Variants in PTPRA observed in about 807,000 individuals in gnomAD.
The protein encoded by PTPRA is receptor-type tyrosine-protein phosphatase alpha.
In PTPRA, 25 loss-of-function variants were observed where a neutral mutation model predicts 104.8. That is an observed-to-expected ratio of 0.24 (90% confidence interval 0.17 to 0.33). PTPRA has a LOEUF of 0.33. Ranked by LOEUF, PTPRA falls within the 10% of genes least tolerant of loss-of-function variation. The pLI, the probability that PTPRA is intolerant of heterozygous loss-of-function variation, is 1.00. For synonymous variants in PTPRA, 323 were observed against 368.9 expected, an observed-to-expected ratio of 0.88 and a Z score of 1.43; for missense variants, 765 against 1,015.3, an observed-to-expected ratio of 0.75 and a Z score of 3.35.
chr20:3,019,097 G>T (rs1359553259), intron 13 of PTPRA, among the ~76,000 whole-genome samples: 5 of 141,090 alleles, frequency 3.5e-5, no homozygotes, highest in African/African-American at 1.3e-4. Context: ...CCCAGTAGGG[G>T]CGGCCGGGCA....
intron 12 of PTPRA, among the ~76,000 whole-genome samples, chr20:3,017,265 A>C (rs1487260901): frequency 6.6e-6 from 1 of 151,950 alleles, no homozygotes; most frequent in Non-Finnish European, 1.5e-5. Context: ...TAAGACCAGT[A>C]CCCTGGGAAT....
upstream of PTPRA, among the ~76,000 whole-genome samples, chr20:2,871,766 G>A (rs2089434695): frequency 6.6e-6 from 1 of 152,202 alleles, no homozygotes; most frequent in Admixed American, 6.5e-5. Context: ...TGTTGGGCGT[G>A]GGGAAGGATC....
chr20:3,024,017 A>T (rs763301854), intron 16 of PTPRA, among the ~76,000 whole-genome samples: 6 of 152,190 alleles, frequency 3.9e-5, no homozygotes, highest in Non-Finnish European at 7.3e-5. Context: ...AAGATTAGGG[A>T]ACAGGCAGCT....
At chr20:2,981,869 G>T (rs572370889) in intron 6 of PTPRA, among the ~76,000 whole-genome samples, 1 of 152,284 alleles carries the variant, frequency 6.6e-6, no homozygotes, top group Admixed American at 6.5e-5. Flanking sequence ...GGCTCTGTTT[G>T]ATCTCTTGGA....
At chr20:2,951,455 A>T (rs2061351712) in intron 3 of PTPRA, among the ~76,000 whole-genome samples, 1 of 152,078 alleles carries the variant, frequency 6.6e-6, no homozygotes, top group Non-Finnish European at 1.5e-5. Flanking sequence ...ACAGTGAATA[A>T]CTCACTCATA....
intron 5 of PTPRA, among the ~76,000 whole-genome samples, chr20:2,965,482 A>G (rs2061910749): frequency 6.6e-6 from 1 of 152,182 alleles, no homozygotes; most frequent in Admixed American, 6.5e-5. Flanking sequence ...AGAGAAATAG[A>G]GGAGCTCATT....
intron 3 of PTPRA, among the ~76,000 whole-genome samples, chr20:2,957,489 C>A (rs1462598835): frequency 1.3e-5 from 2 of 152,190 alleles, no homozygotes; most frequent in Non-Finnish European, 2.9e-5. Context: ...AGAGACAACT[C>A]TTTCTAGAGA....
At chr20:3,027,408 G>A (rs968379466) in intron 19 of PTPRA, among the ~76,000 whole-genome samples, 1 of 152,242 alleles carries the variant, frequency 6.6e-6, no homozygotes, top group African/African-American at 2.4e-5. Context: ...GCATGCAGTA[G>A]TATAATACCT....
intron 1 of PTPRA, among the ~76,000 whole-genome samples, chr20:2,896,727 C>T (rs567135181): frequency 1.7e-4 from 26 of 152,252 alleles, no homozygotes; most frequent in African/African-American, 5.3e-4. Flanking sequence ...ACTGATCTTC[C>T]AATTATGTCT....
chr20:3,019,397 C>T (rs923262344), intron 13 of PTPRA, among the ~76,000 whole-genome samples: 10 of 148,304 alleles, frequency 6.7e-5, no homozygotes, highest in East Asian at 6.3e-4. Context: ...ACTTCTCAGA[C>T]GGGGCGGTTG....
At chr20:2,868,310 C>CTTTTCTTTTTTTTTT in the PTPRA span, among the ~76,000 whole-genome samples, 1 of 104,166 alleles carries the variant, frequency 9.6e-6, no homozygotes, top group African/African-American at 4.2e-5. Flanking sequence ...GACTCCACCT[C>CTTTTCTTTTTTTTTT]TTTTTTTTTT....
chr20:2,986,092 G>A (rs2062896123), intron 6 of PTPRA, among the ~76,000 whole-genome samples: 1 of 152,024 alleles, frequency 6.6e-6, no homozygotes, highest in Admixed American at 6.6e-5. Flanking sequence ...ATTTTTAGTA[G>A]AGATGGAGTT....
At chr20:2,894,352 G>A (rs1413695797) in intron 1 of PTPRA, among the ~76,000 whole-genome samples, 1 of 152,118 alleles carries the variant, frequency 6.6e-6, no homozygotes, top group African/African-American at 2.4e-5. Context: ...AGTGAGTCAG[G>A]GGTTCCAAAC....
Position 3,021,227 on chromosome 20 carries a change from G to A in PTPRA, c.1042-82G>A, listed in dbSNP as rs1360738549. On this transcript the variant is annotated intron_variant, in intron 13 of 23. Transcript: ENST00000399903. ...TCTGGGGGACTTTAATCTGGGCTTT[G>A]TGGGCTCTTCCTTCCAGGCCCTTTG... 22 of 1,584,110 alleles carry A rather than the reference G, an allele frequency of 1.4e-5. No individual in the cohort carries two copies. In the East Asian group the frequency reaches 5.0e-4, roughly 36 times the overall value.
intron 1 of PTPRA, among the ~76,000 whole-genome samples, chr20:2,917,226 G>A (rs1422692934): frequency 6.6e-6 from 1 of 151,660 alleles, no homozygotes; most frequent in African/African-American, 2.4e-5. Flanking sequence ...CCAAAGTGCT[G>A]GGATTACAGA....
intron 1 of PTPRA, among the ~76,000 whole-genome samples, chr20:2,912,452 C>T (rs867444324): frequency 1.3e-5 from 2 of 152,042 alleles, no homozygotes; most frequent in Non-Finnish European, 2.9e-5. Flanking sequence ...GGCGAAACTC[C>T]GTCTCTACAA....
At chr20:2,958,168 G>A (rs1189171359) in intron 3 of PTPRA, among the ~76,000 whole-genome samples, 1 of 152,152 alleles carries the variant, frequency 6.6e-6, no homozygotes, top group Non-Finnish European at 1.5e-5. Context: ...AGAGACTGAA[G>A]GCCTGGGTGA....
At chr20:2,889,881 C>T (rs2058729547) in intron 1 of PTPRA, among the ~76,000 whole-genome samples, 1 of 151,938 alleles carries the variant, frequency 6.6e-6, no homozygotes, top group South Asian at 2.1e-4. Context: ...GTTTGTTTTG[C>T]AACCCCCCAT....
chr20:3,022,080 A>G lies in PTPRA; in HGVS notation c.1188A>G (p.Pro396=), dbSNP rs1375345915. 6.2e-7 allele frequency: 1 copy of G among 1,614,064 alleles called. No individual in the cohort carries two copies. Among genetic ancestry groups the G allele is most frequent in the East Asian group, 2.2e-5 (1 of 44,900 alleles). The change falls in exon 15 of 24, where the codon CCA becomes CCG. Residue 396 remains proline, a synonymous_variant. Coordinates refer to ENST00000399903, the MANE Select transcript of PTPRA (RefSeq NM_001385305.1). The surrounding 1 kb of genome is among the most constrained non-coding windows in gnomAD (Gnocchi z 4.6). The part of the protein sequence containing the change: ...QQVGDMTNRK[P]QRLITQFHFT... ...TGGGCGACATGACCAACAGAAAGCC[A>G]CAGCGCCTCATCACTCAGTTCCACT...
Sources: gnomAD v4.1 joint callset for allele counts (sites outside exome capture counted in the v4.1 genomes callset) on GRCh38, gnomAD v4.1.1 for gene constraint, Gnocchi (gnomAD v3.1) non-coding constraint, MANE v1.5 for transcripts, NCBI Gene and HGNC (gene_info 2026-07-23, HGNC 2026-07-21) for gene names.